The following TBC1D32 variants were observed in gnomAD, a reference collection of about 807,000 sequenced individuals.
TBC1D32 encodes protein broad-minded.
In TBC1D32, 151 loss-of-function variants were observed where a neutral mutation model predicts 170.3. The observed-to-expected ratio is 0.89, with a 90% confidence interval of 0.78 to 1.01. The LOEUF is 1.01. TBC1D32 is among the 50% of genes least tolerant of loss of function. TBC1D32 has a pLI of 0.00. For synonymous variants in TBC1D32, 498 were observed against 488.0 expected, an observed-to-expected ratio of 1.02 and a Z score of -0.27; for missense variants, 1,464 against 1,457.1, an observed-to-expected ratio of 1.00 and a Z score of -0.08.
intron 20 of TBC1D32, among the ~76,000 whole-genome samples, chr6:121,235,875 T>C (rs1402908695): frequency 6.6e-6 from 1 of 152,252 alleles, no homozygotes; most frequent in Non-Finnish European, 1.5e-5. Flanking sequence ...AAGCTAGTCC[T>C]ACCTCCTATC....
intron 12 of TBC1D32, among the ~76,000 whole-genome samples, chr6:121,290,464 C>A (rs1804658888): frequency 1.3e-5 from 2 of 151,854 alleles, no homozygotes; most frequent in Admixed American, 6.6e-5. Flanking sequence ...CATCTCACAC[C>A]AGTTAGAATG....
At chr6:121,325,140 A>C (rs533552768) in intron 1 of TBC1D32, among the ~76,000 whole-genome samples, 36 of 147,488 alleles carry the variant, frequency 2.4e-4, no homozygotes, top group African/African-American at 8.8e-4. Flanking sequence ...TGAGCCCAGG[A>C]GGTGGAAGTT....
chr6:121,197,376 A>G (rs13197038), intron 22 of TBC1D32, among the ~76,000 whole-genome samples: 17,945 of 152,212 alleles, frequency 0.12, 1,461 homozygotes, highest in Non-Finnish European at 0.18. Flanking sequence ...GGCAAAGGGA[A>G]TACAGAATGG....
intron 15 of TBC1D32, among the ~76,000 whole-genome samples, chr6:121,270,760 A>G (rs1203826360): frequency 6.6e-6 from 1 of 152,204 alleles, no homozygotes; most frequent in East Asian, 1.9e-4. Flanking sequence ...AACTCATTTT[A>G]TGAGGCCAGC....
rs1450785047 is a variant in TBC1D32 at position 121,160,005 on chromosome 6, T to C, written c.2773+5A>G. Reference sequence around the variant, plus strand: ...TAATATGGCATTTGATGGTAAATATTTTACCTTGTTTTATACCAGCATTTC... The same window carrying C: ...TAATATGGCATTTGATGGTAAATATCTTACCTTGTTTTATACCAGCATTTC... On this transcript the variant is annotated splice_donor_5th_base_variant and intron_variant, in intron 24 of 31. Transcript: ENST00000398212. 1 of 1,565,554 alleles carries C rather than the reference T, an allele frequency of 6.4e-7. No individual in the cohort carries two copies. The highest frequency in any genetic ancestry group is 2.2e-5 in the East Asian group (1 of 44,466).
At chr6:121,271,159 T>C (rs534369689) in intron 15 of TBC1D32, among the ~76,000 whole-genome samples, 32 of 152,174 alleles carry the variant, frequency 2.1e-4, no homozygotes, top group African/African-American at 5.8e-4. Flanking sequence ...CAATATCATA[T>C]TGAATGGGCA....
intron 19 of TBC1D32, among the ~76,000 whole-genome samples, chr6:121,240,327 GA>G (rs1384350329): frequency 1.1e-5 from 1 of 91,938 alleles, no homozygotes; most frequent in Non-Finnish European, 2.2e-5. Flanking sequence ...CTAAGTAGAA[GA>G]AAAAAAATTA....
chr6:121,169,854 T>C lies in TBC1D32; in HGVS notation c.2571-8798A>G, dbSNP rs556578840. On this transcript the variant is annotated intron_variant, in intron 22 of 31. Coordinates refer to ENST00000398212, the MANE Select transcript of TBC1D32 (RefSeq NM_152730.6). ...GTGTATTTGACAACAGTCAGCCAAA[T>C]TGAGGTAATGGCAAGTGTGATTTAT... 7.4e-4 allele frequency among the ~76,000 whole-genome samples: 112 copies of C among 152,202 alleles called. No homozygotes were observed. In the South Asian group the frequency reaches 0.02, roughly 27 times the overall value.
chr6:121,153,731 G>T (rs1337487333), intron 24 of TBC1D32, among the ~76,000 whole-genome samples: 1 of 152,168 alleles, frequency 6.6e-6, no homozygotes, highest in African/African-American at 2.4e-5. Context: ...GGCTACAGGG[G>T]CTTTGAGGCA....
chr6:121,330,095 G>A (rs1563438753), intron 1 of TBC1D32, among the ~76,000 whole-genome samples: 2 of 152,020 alleles, frequency 1.3e-5, no homozygotes, highest in Admixed American at 6.6e-5. Context: ...GTCTCGCTCT[G>A]TTACCTAGGC....
chr6:121,251,399 C>A (rs191921442), intron 17 of TBC1D32, among the ~76,000 whole-genome samples: 2 of 152,132 alleles, frequency 1.3e-5, no homozygotes, highest in Admixed American at 6.5e-5. Flanking sequence ...AGAGATAACA[C>A]CACATATCCA....
At chr6:121,189,396 A>G (rs574682387) in intron 22 of TBC1D32, among the ~76,000 whole-genome samples, 2 of 151,792 alleles carry the variant, frequency 1.3e-5, no homozygotes, top group Non-Finnish European at 2.9e-5. Flanking sequence ...CAGATAATAT[A>G]TTGTTACATG....
rs552471970 is a variant in TBC1D32, at chr6:121,293,836, A to G, written c.1231+734T>C. On this transcript the variant is annotated intron_variant, in intron 11 of 31. Transcript: ENST00000398212. ...TGAGGCAGGAGAGTCGCTTGAACCC[A>G]GGAGGCAGAGGTTGCAGTGAGTCCA... 2.1e-3 allele frequency among the ~76,000 whole-genome samples: 316 copies of G among 152,230 alleles called. 1 individual carries two copies. The highest frequency in any genetic ancestry group is 7.3e-3 in the African/African-American group (304 of 41,538).
At chr6:121,207,164 G>C (rs1369179677) in intron 21 of TBC1D32, among the ~76,000 whole-genome samples, 1 of 152,136 alleles carries the variant, frequency 6.6e-6, no homozygotes, top group Non-Finnish European at 1.5e-5. Flanking sequence ...ATCCAGAATT[G>C]ATTAGGAATC....
Position 121,297,248 on chromosome 6 carries a change from GA to G in TBC1D32, c.1140+2197del, listed in dbSNP as rs1306896469. Among the ~76,000 whole-genome samples, 3 of 151,934 alleles carry G rather than the reference GA, an allele frequency of 2.0e-5. 1 individual carries two copies. The highest frequency in any genetic ancestry group is 4.4e-5 in the Non-Finnish European group (3 of 67,924). On this transcript the variant is annotated intron_variant, in intron 10 of 31. Coordinates refer to ENST00000398212, the MANE Select transcript of TBC1D32 (RefSeq NM_152730.6). ...TTTCTAACCCCTGTGAAAATAGACA[GA>G]AATTTGCTATAAAACTCAGGATTGT...
intron 3 of TBC1D32, among the ~76,000 whole-genome samples, chr6:121,313,731 A>T (rs1488257102): frequency 2.0e-5 from 3 of 152,136 alleles, no homozygotes; most frequent in Non-Finnish European, 4.4e-5. Context: ...GTAGCCAGAC[A>T]TGGAGGAACT....
intron 8 of TBC1D32, among the ~76,000 whole-genome samples, chr6:121,303,964 C>T (rs62427575): frequency 6.6e-6 from 1 of 151,920 alleles, no homozygotes; most frequent in Non-Finnish European, 1.5e-5. Context: ...TTTAACTTTC[C>T]TTTTCAGACT....
intron 21 of TBC1D32, among the ~76,000 whole-genome samples, chr6:121,218,002 A>C (rs187255437): frequency 6.6e-6 from 1 of 152,332 alleles, no homozygotes; most frequent in Admixed American, 6.5e-5. Flanking sequence ...AAAACATTAC[A>C]TTCAGTTGTA....
At chr6:121,224,452 C>A (rs1794849441) in intron 20 of TBC1D32, 1 of 152,056 alleles carries the variant, frequency 6.6e-6, no homozygotes, top group Non-Finnish European at 1.5e-5. Flanking sequence ...AGATATTTCA[C>A]TAGAACCAGA....
Sources: allele counts gnomAD v4.1 joint callset (sites outside exome capture counted in the v4.1 genomes callset), GRCh38; gene constraint gnomAD v4.1.1; transcripts MANE v1.5; gene names NCBI Gene and HGNC (gene_info 2026-07-23, HGNC 2026-07-21).